CDC42EP4: variants seen among roughly 807,000 people sequenced by gnomAD.
The protein encoded by CDC42EP4 is CDC42 effector protein 4.
In CDC42EP4, 6 loss-of-function variants were observed where a neutral mutation model predicts 5.6. The ratio of observed to expected loss-of-function variants is 1.07; its 90% confidence interval spans 0.59 to 2.12. CDC42EP4 has a LOEUF of 2.12. CDC42EP4 is among the 30% of genes most tolerant of loss of function. The probability of loss-of-function intolerance (pLI) is 0.00; values close to 1 mark genes in which losing one functional copy is unlikely to be tolerated. For synonymous variants in CDC42EP4, 230 were observed against 224.2 expected, an observed-to-expected ratio of 1.03 and a Z score of -0.23; for missense variants, 490 against 508.6, an observed-to-expected ratio of 0.96 and a Z score of 0.35.
intron 1 of CDC42EP4, among the ~76,000 whole-genome samples, chr17:73,297,290 G>A (rs1337562933): frequency 1.9e-5 from 2 of 103,624 alleles, no homozygotes; most frequent in Non-Finnish European, 4.0e-5. Flanking sequence ...GCAAGACTTC[G>A]TCTCCAAAAA....
At chr17:73,287,956 T>A (rs568043310) in intron 1 of CDC42EP4, among the ~76,000 whole-genome samples, 37 of 152,316 alleles carry the variant, frequency 2.4e-4, no homozygotes, top group African/African-American at 7.2e-4. Flanking sequence ...CCCTACCCAG[T>A]GCAGACCCCT....
At chr17:73,298,759 C>T (rs1057014518) in intron 1 of CDC42EP4, among the ~76,000 whole-genome samples, 1 of 152,196 alleles carries the variant, frequency 6.6e-6, no homozygotes, top group Non-Finnish European at 1.5e-5. Context: ...TACCCCATCC[C>T]TCCAGTACAC....
rs369692681 is a variant in CDC42EP4 at position 73,309,221 on chromosome 17, G to T, written c.-113+2672C>A. ...AAAATGGCTGGGCGTGGTGGTGGGC[G>T]CCAGTAGTCCCAGCTACTCAGGAGG... On this transcript the variant is annotated intron_variant, in intron 1 of 1. Transcript: ENST00000335793. 3.3e-5 allele frequency among the ~76,000 whole-genome samples: 5 copies of T among 151,844 alleles called. No homozygotes were observed. The East Asian group carries it at 7.8e-4, about 24-fold the overall frequency.
intron 1 of CDC42EP4, among the ~76,000 whole-genome samples, chr17:73,289,725 G>T (rs112017901): frequency 0.04 from 5,416 of 136,224 alleles, 320 homozygotes; most frequent in African/African-American, 0.14. Flanking sequence ...CAGGAAGGGA[G>T]GAAGGGAGGG....
At chr17:73,289,686 T>G (rs994479357) in intron 1 of CDC42EP4, among the ~76,000 whole-genome samples, 8 of 104,826 alleles carry the variant, frequency 7.6e-5, no homozygotes, top group Non-Finnish European at 1.6e-4. Flanking sequence ...TGGCCAGCCA[T>G]GGGCTCCTAG....
intron 1 of CDC42EP4, among the ~76,000 whole-genome samples, chr17:73,304,518 C>G (rs2062235193): frequency 6.6e-6 from 1 of 152,040 alleles, no homozygotes; most frequent in Admixed American, 6.6e-5. Context: ...TCATCCCCAG[C>G]TCACAGATAA....
At chr17:73,297,033 C>CCTG (rs1216037291) in intron 1 of CDC42EP4, among the ~76,000 whole-genome samples, 1 of 145,334 alleles carries the variant, frequency 6.9e-6, no homozygotes, top group Non-Finnish European at 1.5e-5. Flanking sequence ...GTGGCTCACA[C>CCTG]CTGTAATCCC....
chr17:73,309,408 T>C, intron 1 of CDC42EP4, among the ~76,000 whole-genome samples: 1 of 152,042 alleles, frequency 6.6e-6, no homozygotes, highest in South Asian at 2.1e-4. Flanking sequence ...GTAAGATTCC[T>C]CTCCCAGGTC....
intron 1 of CDC42EP4, among the ~76,000 whole-genome samples, chr17:73,300,014 C>T (rs1485726791): frequency 6.6e-6 from 1 of 152,184 alleles, no homozygotes; most frequent in Non-Finnish European, 1.5e-5. Flanking sequence ...CACAAGGCCT[C>T]ACTTCTAGTG....
chr17:73,300,913 C>T (rs754743527), intron 1 of CDC42EP4, among the ~76,000 whole-genome samples: 5 of 151,936 alleles, frequency 3.3e-5, no homozygotes, highest in East Asian at 1.9e-4. Context: ...GGCATGGTGG[C>T]GTGCGCCTGT....
chr17:73,309,771 A>G (rs2062263983), intron 1 of CDC42EP4: 1 of 152,240 alleles, frequency 6.6e-6, no homozygotes, highest in African/African-American at 2.4e-5. Flanking sequence ...ACCACCGCCC[A>G]TATGATCACA....
At chr17:73,290,005 C>T (rs893318959) in intron 1 of CDC42EP4, among the ~76,000 whole-genome samples, 1 of 152,180 alleles carries the variant, frequency 6.6e-6, no homozygotes, top group African/African-American at 2.4e-5. Flanking sequence ...AACTCTCGTT[C>T]CTGGCAAATC....
At chr17:73,309,420 ACACT>A (rs925027800) in intron 1 of CDC42EP4, among the ~76,000 whole-genome samples, 4 of 152,122 alleles carry the variant, frequency 2.6e-5, no homozygotes, top group Admixed American at 2.6e-4. Flanking sequence ...TCCCAGGTCA[ACACT>A]CACTCCCCTG....
intron 1 of CDC42EP4, among the ~76,000 whole-genome samples, chr17:73,288,814 C>A (rs191927743): frequency 3.9e-5 from 6 of 152,280 alleles, no homozygotes; most frequent in African/African-American, 1.4e-4. Flanking sequence ...CCAGCAATGT[C>A]CCCCCTCCCA....
chr17:73,286,432 C>G lies in CDC42EP4; in HGVS notation c.69G>C (p.Thr23=). ...HSKRRSRADL[T]AEMISAPLGD... is the part of the protein sequence containing the mutation. ...CCAGCGGGGCGCTGATCATCTCGGC[C>G]GTGAGGTCCGCTCGGGAACGGCGCT... Residue 23 remains threonine (T), a synonymous_variant, in exon 2 of 2, where the codon ACG becomes ACC. Transcript: ENST00000335793. This position sits in a 1 kb window ranked among gnomAD's most constrained non-coding sequence, Gnocchi z 7.7. The G allele has an allele frequency of 6.2e-7, 1 of 1,613,050 alleles. No homozygotes were observed.
At chr17:73,291,669 C>A (rs538535302) in intron 1 of CDC42EP4, among the ~76,000 whole-genome samples, 11 of 152,170 alleles carry the variant, frequency 7.2e-5, no homozygotes, top group African/African-American at 2.4e-4. Flanking sequence ...CAGGCACTCC[C>A]CATAGCCTGC....
chr17:73,306,304 T>C (rs1333732423), intron 1 of CDC42EP4, among the ~76,000 whole-genome samples: 2 of 148,580 alleles, frequency 1.3e-5, no homozygotes, highest in African/African-American at 5.0e-5. Flanking sequence ...GAGACCAGCC[T>C]GGGCAGCACA....
chr17:73,301,377 C>A (rs2062218471), intron 1 of CDC42EP4, among the ~76,000 whole-genome samples: 1 of 152,180 alleles, frequency 6.6e-6, no homozygotes, highest in Non-Finnish European at 1.5e-5. Context: ...ATAAAGCCAA[C>A]CATTGTTCAC....
At chr17:73,304,229 T>C (rs1354080628) in intron 1 of CDC42EP4, among the ~76,000 whole-genome samples, 1 of 152,102 alleles carries the variant, frequency 6.6e-6, no homozygotes, top group African/African-American at 2.4e-5. Context: ...GCACCAGGCA[T>C]TGTGTTAGGT....
Sources: gnomAD v4.1 joint callset for allele counts (sites outside exome capture counted in the v4.1 genomes callset) on GRCh38, gnomAD v4.1.1 for gene constraint, Gnocchi (gnomAD v3.1) non-coding constraint, MANE v1.5 for transcripts, NCBI Gene and HGNC (gene_info 2026-07-23, HGNC 2026-07-21) for gene names.